NEGR1: variants seen among roughly 807,000 people sequenced by gnomAD.
The protein encoded by NEGR1 is neuronal growth regulator 1, also known as IgLON family member 4.
Under a neutral mutation model 40.9 loss-of-function variants are expected in NEGR1, and 10 were observed. The ratio of observed to expected loss-of-function variants is 0.24; its 90% confidence interval spans 0.15 to 0.42. The LOEUF (loss-of-function observed/expected upper bound fraction) is 0.42. NEGR1 is among the 10% of genes least tolerant of loss of function. The probability of loss-of-function intolerance (pLI) is 1.00; values close to 1 mark genes in which losing one functional copy is unlikely to be tolerated. For synonymous variants in NEGR1, 185 were observed against 166.8 expected, an observed-to-expected ratio of 1.11 and a Z score of -0.84; for missense variants, 352 against 438.9, an observed-to-expected ratio of 0.80 and a Z score of 1.77.
At chr1:71,720,132 T>C (rs1354863613) in intron 3 of NEGR1, among the ~76,000 whole-genome samples, 1 of 152,172 alleles carries the variant, frequency 6.6e-6, no homozygotes, top group Non-Finnish European at 1.5e-5. Context: ...ACAGAGATGA[T>C]AGCCAGCAGC....
intron 6 of NEGR1, among the ~76,000 whole-genome samples, chr1:71,476,306 C>A (rs1646820249): frequency 6.6e-6 from 1 of 152,062 alleles, no homozygotes; most frequent in South Asian, 2.1e-4. Flanking sequence ...CTACCTTCAA[C>A]TGTCATTTTT....
chr1:71,600,807 G>C (rs1279902105), intron 5 of NEGR1, among the ~76,000 whole-genome samples: 1 of 152,312 alleles, frequency 6.6e-6, no homozygotes. Flanking sequence ...TAAAGTGTAA[G>C]ATCAACTATT....
At chr1:71,594,627 T>C (rs193194576) in intron 5 of NEGR1, among the ~76,000 whole-genome samples, 12 of 152,320 alleles carry the variant, frequency 7.9e-5, no homozygotes, top group Admixed American at 5.9e-4. Flanking sequence ...CATAAGATAA[T>C]GGGGCATAAA....
intron 1 of NEGR1, among the ~76,000 whole-genome samples, chr1:71,976,034 C>G (rs911186572): frequency 6.6e-6 from 1 of 152,166 alleles, no homozygotes; most frequent in East Asian, 1.9e-4. Context: ...CCGCGATAAA[C>G]ATGATTTTTT....
intron 5 of NEGR1, among the ~76,000 whole-genome samples, chr1:71,597,770 G>A (rs1325870963): frequency 6.6e-6 from 1 of 151,778 alleles, no homozygotes; most frequent in African/African-American, 2.4e-5. Flanking sequence ...AGCCAGGCGT[G>A]GTAATCCCAG....
intron 2 of NEGR1, among the ~76,000 whole-genome samples, chr1:71,925,983 G>A (rs113812402): frequency 4.7e-4 from 71 of 151,800 alleles, no homozygotes; most frequent in African/African-American, 1.5e-3. Flanking sequence ...TCCAAGATAG[G>A]CAACAAATAT....
chr1:72,235,136 A>C (rs1654505728), intron 1 of NEGR1, among the ~76,000 whole-genome samples: 1 of 152,158 alleles, frequency 6.6e-6, no homozygotes, highest in South Asian at 2.1e-4. Flanking sequence ...AACATGTTGA[A>C]TATGAAAGAA....
intron 4 of NEGR1, among the ~76,000 whole-genome samples, chr1:71,611,478 C>T (rs1348116686): frequency 6.6e-6 from 1 of 152,162 alleles, no homozygotes; most frequent in Non-Finnish European, 1.5e-5. Context: ...TAGTTCTCAT[C>T]TATTGAGTGA....
At chr1:72,148,106 C>T (rs1011412705) in intron 1 of NEGR1, among the ~76,000 whole-genome samples, 5 of 148,700 alleles carry the variant, frequency 3.4e-5, no homozygotes, top group Non-Finnish European at 7.4e-5. Flanking sequence ...ACAGTAGAGA[C>T]TCTGTGTAGG....
chr1:71,834,559 T>C (rs996732192), intron 2 of NEGR1, among the ~76,000 whole-genome samples: 1 of 150,422 alleles, frequency 6.6e-6, no homozygotes, highest in Non-Finnish European at 1.5e-5. Context: ...TTGGCTCCAC[T>C]GGATATTATA....
intron 6 of NEGR1, among the ~76,000 whole-genome samples, chr1:71,485,006 T>G (rs908934698): frequency 1.3e-5 from 2 of 151,628 alleles, no homozygotes; most frequent in African/African-American, 2.4e-5. Flanking sequence ...TAATTTGAGG[T>G]TTTTTTGGCT....
intron 6 of NEGR1, among the ~76,000 whole-genome samples, chr1:71,487,654 T>C (rs1391847282): frequency 1.3e-5 from 2 of 151,780 alleles, no homozygotes; most frequent in African/African-American, 4.8e-5. Context: ...GAGTAAATAT[T>C]ACTGAGCTAT....
chr1:71,485,218 T>C (rs1289921276), intron 6 of NEGR1, among the ~76,000 whole-genome samples: 1 of 9,498 alleles, frequency 1.1e-4, no homozygotes, highest in African/African-American at 4.6e-4. Flanking sequence ...TCCTCTCCTT[T>C]GGCCTTATTT....
chr1:71,540,842 G>T (rs2101456769), intron 6 of NEGR1, among the ~76,000 whole-genome samples: 1 of 151,784 alleles, frequency 6.6e-6, no homozygotes, highest in South Asian at 2.1e-4. Flanking sequence ...ACTGGCATCT[G>T]CTTGGATTCT....
intron 1 of NEGR1, among the ~76,000 whole-genome samples, chr1:72,214,147 C>G (rs1255596690): frequency 6.6e-6 from 1 of 151,964 alleles, no homozygotes; most frequent in African/African-American, 2.4e-5. Flanking sequence ...CGGAAAAAGC[C>G]TTCAATAAAA....
At chr1:71,872,369 G>A (rs1443003089) in intron 2 of NEGR1, among the ~76,000 whole-genome samples, 1 of 152,114 alleles carries the variant, frequency 6.6e-6, no homozygotes, top group African/African-American at 2.4e-5. Flanking sequence ...GAGTAGTATT[G>A]TGTTGTAGAC....
At chr1:72,089,242 C>A (rs1448341673) in intron 1 of NEGR1, among the ~76,000 whole-genome samples, 1 of 152,092 alleles carries the variant, frequency 6.6e-6, no homozygotes, top group Non-Finnish European at 1.5e-5. Context: ...CCACTAGCTA[C>A]CACTTATAAC....
intron 1 of NEGR1, among the ~76,000 whole-genome samples, chr1:72,062,060 A>G (rs749322037): frequency 3.9e-5 from 6 of 151,900 alleles, no homozygotes; most frequent in Non-Finnish European, 8.8e-5. Context: ...CATCAGGAAT[A>G]AAGTCCATGT....
intron 1 of NEGR1, among the ~76,000 whole-genome samples, chr1:72,277,574 A>T (rs1656100673): frequency 6.6e-6 from 1 of 152,186 alleles, no homozygotes; most frequent in South Asian, 2.1e-4. Flanking sequence ...ATATCTTGCC[A>T]ATAGAACAGT....
Sources: allele counts gnomAD v4.1 joint callset (sites outside exome capture counted in the v4.1 genomes callset), GRCh38; gene constraint gnomAD v4.1.1; transcripts MANE v1.5; gene names NCBI Gene and HGNC (gene_info 2026-07-23, HGNC 2026-07-21).